Variants in LOXL2 observed in about 807,000 individuals in gnomAD.
LOXL2 encodes lysyl oxidase homolog 2.
In LOXL2, 70 loss-of-function variants were observed where a neutral mutation model predicts 93.0. The ratio of observed to expected loss-of-function variants is 0.75; its 90% CI spans 0.62 to 0.92. LOXL2 has a LOEUF of 0.92. Among genes scored for constraint, LOXL2 ranks in the 40% least tolerant of loss-of-function variants. The pLI, the probability that LOXL2 is intolerant of heterozygous loss-of-function variation, is 0.00. For missense variants in LOXL2, 973 were observed against 1,054.9 expected (o/e 0.92, Z 1.08); for synonymous variants, 438 against 413.2 (o/e 1.06, Z -0.73).
chr8:23,330,772 C>T (rs533560399), intron 5 of LOXL2, among the ~76,000 whole-genome samples: 3 of 132,746 alleles, frequency 2.3e-5, no homozygotes, highest in Non-Finnish European at 4.6e-5. Flanking sequence ...ATGTGGCCAT[C>T]AAATCATACA....
At chr8:23,361,264 G>A (rs182850522) in intron 2 of LOXL2, among the ~76,000 whole-genome samples, 55 of 152,202 alleles carry the variant, frequency 3.6e-4, no homozygotes, top group African/African-American at 1.2e-3. Flanking sequence ...GCAAGAGGAC[G>A]AAGTGGCATG....
chr8:23,324,818 T>C (rs1803550805), intron 6 of LOXL2, among the ~76,000 whole-genome samples: 2 of 152,196 alleles, frequency 1.3e-5, no homozygotes, highest in Non-Finnish European at 2.9e-5. Context: ...TACATTCAGA[T>C]TGTAGGAAGC....
At chr8:23,397,126 C>T (rs1033937337) in intron 1 of LOXL2, among the ~76,000 whole-genome samples, 1 of 152,132 alleles carries the variant, frequency 6.6e-6, no homozygotes, top group African/African-American at 2.4e-5. Flanking sequence ...TAATATATTC[C>T]ACTTATATGA....
At chr8:23,350,501 C>T (rs1048578252) in intron 3 of LOXL2, among the ~76,000 whole-genome samples, 5 of 152,122 alleles carry the variant, frequency 3.3e-5, no homozygotes, top group South Asian at 2.1e-4. Flanking sequence ...ACCCAGGAGG[C>T]GGAGGTTGCA....
Position 23,307,025 on chromosome 8 carries a change from C to T in LOXL2, c.1880+2643G>A, listed in dbSNP as rs568681834. 1.1e-3 allele frequency among the ~76,000 whole-genome samples: 164 copies of T among 152,328 alleles called. 1 individual carries two copies. The highest frequency in any genetic ancestry group is 3.8e-3 in the African/African-American group (158 of 41,578). ...TTTCAAAGAACAGAGCTCTCTTCCC[C>T]GAGGTAGCGTCAATTAAACTGGAAA... is the stretch of plus-strand genomic sequence containing the variant. On this transcript the variant is annotated intron_variant, in intron 10 of 13. Coordinates refer to ENST00000389131, the MANE Select transcript of LOXL2 (RefSeq NM_002318.3).
At chr8:23,374,743 G>T (rs1472568998) in intron 1 of LOXL2, among the ~76,000 whole-genome samples, 1 of 152,222 alleles carries the variant, frequency 6.6e-6, no homozygotes, top group Non-Finnish European at 1.5e-5. Flanking sequence ...CTGCATAAAT[G>T]TCTTCTTTTG....
chr8:23,344,553 G>A (rs1048575303), intron 3 of LOXL2, among the ~76,000 whole-genome samples: 1 of 151,964 alleles, frequency 6.6e-6, no homozygotes, highest in Non-Finnish European at 1.5e-5. Flanking sequence ...CCCTGTATAT[G>A]TCTCTGTGTG....
intron 3 of LOXL2, among the ~76,000 whole-genome samples, chr8:23,347,558 G>A (rs1423221173): frequency 6.6e-6 from 1 of 152,116 alleles, no homozygotes; most frequent in Non-Finnish European, 1.5e-5. Context: ...GCTGAGGCAG[G>A]AAAATCGCTT....
chr8:23,320,199 C>G lies in LOXL2; in HGVS notation c.1303-147G>C, dbSNP rs77049507. 1.0e-3 allele frequency: 849 copies of G among 809,994 alleles called. 8 individuals are homozygous for G. In the African/African-American group the frequency reaches 0.013, roughly 12 times the overall value. The allele number at this position is 809,994 out of a possible 1,614,324, so 50.2% of individuals were successfully genotyped here. ...ATTCAGCAGCACCCTTGGGAGCCCC[C>G]GGTGGCAGCGCTGTGCCTAGCATGG... On this transcript the variant is annotated intron_variant, in intron 7 of 13. Coordinates refer to ENST00000389131, the MANE Select transcript of LOXL2 (RefSeq NM_002318.3).
At chr8:23,344,144 G>A (rs1160207766) in intron 3 of LOXL2, among the ~76,000 whole-genome samples, 1 of 152,240 alleles carries the variant, frequency 6.6e-6, no homozygotes, top group Non-Finnish European at 1.5e-5. Flanking sequence ...CCTGAGGCCA[G>A]CACACACCAA....
intron 2 of LOXL2, among the ~76,000 whole-genome samples, 170 bp from the exon 3 acceptor site, chr8:23,360,435 G>C (rs939449435): frequency 3.5e-4 from 54 of 152,266 alleles, no homozygotes; most frequent in Non-Finnish European, 1.6e-4. Flanking sequence ...TAAACCATGG[G>C]GATTCCTGGA....
intron 1 of LOXL2, chr8:23,370,821 A>T (rs946017299): frequency 6.6e-6 from 1 of 152,260 alleles, no homozygotes; most frequent in Non-Finnish European, 1.5e-5. Flanking sequence ...ATTCCTGAAG[A>T]GCTGCACTCT....
chr8:23,323,111 C>T (rs1803523042), intron 6 of LOXL2, among the ~76,000 whole-genome samples: 1 of 152,198 alleles, frequency 6.6e-6, no homozygotes, highest in African/African-American at 2.4e-5. Context: ...TTTCTATTTC[C>T]TTGGAAACTC....
intron 4 of LOXL2, among the ~76,000 whole-genome samples, chr8:23,337,784 G>A (rs919269547): frequency 1.3e-5 from 2 of 152,148 alleles, no homozygotes; most frequent in Admixed American, 6.5e-5. Flanking sequence ...TAGCTTTAAG[G>A]TACATGCATT....
Position 23,368,328 on chromosome 8 carries a change from G to C in LOXL2, c.24C>G (p.His8Gln). Residue 8 changes from histidine (H) to glutamine (Q), a missense_variant, in exon 2 of 14, where the codon CAC becomes CAG. Transcript: ENST00000389131. MERPLCS[H>Q]LCSCLAMLAL... is the part of the protein sequence containing the mutation. ...CCAGCATAGCCAGGCAGCTGCAGAG[G>C]TGGGAGCACAGAGGCCTCTCCATCC... The C allele has an allele frequency of 6.2e-7, 1 of 1,612,526 alleles. No individual in the cohort carries two copies. Among genetic ancestry groups the C allele is most frequent in the Non-Finnish European group, 8.5e-7 (1 of 1,180,016 alleles).
chr8:23,322,328 C>G lies in LOXL2; in HGVS notation c.1151-47G>C, dbSNP rs756111289. 1.9e-6 allele frequency: 3 copies of G among 1,578,788 alleles called. No homozygotes were observed. The East Asian group carries it at 6.7e-5, about 36-fold the overall frequency. ...GCTCTATGAAAGCTTTGGAAGGAAA[C>G]TTTCTGGAGTGGCAAGAAAGCCCTG... is the stretch of plus-strand genomic sequence containing the variant. On this transcript the variant is annotated intron_variant, in intron 6 of 13. Transcript: ENST00000389131.
At chr8:23,309,230 G>A (rs375691060) in intron 10 of LOXL2, among the ~76,000 whole-genome samples, 4 of 151,994 alleles carry the variant, frequency 2.6e-5, no homozygotes, top group South Asian at 2.1e-4. Flanking sequence ...TGATCCGCCC[G>A]CCTCGGCCTC....
At chr8:23,356,583 C>G (rs569547676) in intron 3 of LOXL2, among the ~76,000 whole-genome samples, 45 of 152,262 alleles carry the variant, frequency 3.0e-4, no homozygotes, top group Middle Eastern at 3.4e-3. Context: ...GAGGTCTAGG[C>G]CCTTTCATGA....
At chr8:23,350,586 G>A (rs997562880) in intron 3 of LOXL2, among the ~76,000 whole-genome samples, 37 of 152,194 alleles carry the variant, frequency 2.4e-4, no homozygotes, top group Admixed American at 2.1e-3. Context: ...AAAATAAGCT[G>A]CTGGTAACAT....
Sources: gnomAD v4.1 joint callset for allele counts (sites outside exome capture counted in the v4.1 genomes callset) on GRCh38, gnomAD v4.1.1 for gene constraint, MANE v1.5 for transcripts, NCBI Gene and HGNC (gene_info 2026-07-23, HGNC 2026-07-21) for gene names.